SPATA25: variants seen among roughly 807,000 people sequenced by gnomAD.
SPATA25 encodes spermatogenesis associated 25, also known as spermatogenesis-associated protein 25.
Under a neutral mutation model 16.0 loss-of-function variants are expected in SPATA25, and 16 were observed. The observed-to-expected ratio is 1.00, with a 90% CI of 0.68 to 1.52. The LOEUF (loss-of-function observed/expected upper bound fraction) is 1.52, where lower values mean the gene tolerates loss of function less well. Ranked by LOEUF, SPATA25 falls within the 40% of genes most tolerant of loss-of-function variation. The pLI, the probability that SPATA25 is intolerant of heterozygous loss-of-function variation, is 0.00. For synonymous variants in SPATA25, 115 were observed against 118.5 expected (o/e 0.97, Z 0.19); for missense variants, 285 against 289.2 (o/e 0.99, Z 0.11).
At chr20:45,890,493 G>T, upstream of SPATA25, 1 of 1,598,426 alleles carries the variant, frequency 6.3e-7, no homozygotes, top group Middle Eastern at 1.7e-4. Flanking sequence ...TGGCTGTAGA[G>T]CCCTGGCCGG....
chr20:45,890,919 G>T (rs868766302), upstream of SPATA25: 1 of 1,538,724 alleles, frequency 6.5e-7, no homozygotes, highest in Non-Finnish European at 8.8e-7. Context: ...CGATGGAAGC[G>T]GGTGGGAGGG....
chr20:45,889,646 C>T (rs971019343), upstream of SPATA25, among the ~76,000 whole-genome samples: 3 of 151,632 alleles, frequency 2.0e-5, no homozygotes, highest in East Asian at 1.9e-4. Flanking sequence ...CAGAGTCTTG[C>T]TCTGTTGCCT....
upstream of SPATA25, chr20:45,890,248 A>G (rs749338872): frequency 8.7e-6 from 14 of 1,613,852 alleles, no homozygotes; most frequent in South Asian, 1.2e-4. Flanking sequence ...AGGGATACCT[A>G]CAGCCATACT....
At chr20:45,889,802 C>T (rs1732909266), upstream of SPATA25, among the ~76,000 whole-genome samples, 2 of 152,096 alleles carry the variant, frequency 1.3e-5, no homozygotes, top group Admixed American at 1.3e-4. Flanking sequence ...TTAGTAGAGA[C>T]AGGCTTTCAC....
chr20:45,888,699 C>G, upstream of SPATA25: 1 of 1,571,786 alleles, frequency 6.4e-7, no homozygotes, highest in Non-Finnish European at 8.7e-7. Flanking sequence ...AACTTCGGAC[C>G]AGCCAGCCAC....
Position 45,886,518 on chromosome 20 carries a change from T to TA in SPATA25, c.682dup (p.Ter228LeufsTer4), listed in dbSNP as rs1291291690. On this transcript the variant is annotated frameshift_variant and stop_lost, in exon 2 of 2. Coordinates refer to ENST00000372519, the MANE Select transcript of SPATA25 (RefSeq NM_080608.4). LOFTEE classifies it high-confidence loss of function. The stretch of plus-strand genomic sequence containing the variant: ...CATATCTGGTGCTATTTCATCCATC[T>TA]ACAAGCAGGAGCCAGGAGGCTGGCC... 1 of 1,564,706 alleles carries TA rather than the reference T, an allele frequency of 6.4e-7. No homozygotes were observed. The highest frequency in any genetic ancestry group is 8.7e-7 in the Non-Finnish European group (1 of 1,151,328).
upstream of SPATA25, chr20:45,887,773 C>T (rs1484493137): frequency 4.1e-6 from 2 of 486,912 alleles, no homozygotes; most frequent in Non-Finnish European, 7.1e-6. Flanking sequence ...GAGCACCAGA[C>T]CAGGAGCTGG....
chr20:45,886,840 T>C lies in SPATA25; in HGVS notation c.361A>G (p.Arg121Gly). The change falls in exon 2 of 2, where the codon AGG becomes GGG. Residue 121 changes from arginine to glycine, a missense_variant. Arg to Gly is a moderately radical substitution (Grantham distance 125). Transcript: ENST00000372519. ...CCACACAGCATCAGGGGCCTAGGCC[T>C]GCTGGGGCCACCCAGGTCAGGGGCT... ...SRAPDLGGPS[R>G]PRPLMLCGLS... 1 of 1,613,966 alleles carries C rather than the reference T, an allele frequency of 6.2e-7. No individual in the cohort carries two copies. The highest frequency in any genetic ancestry group is 1.1e-5 in the South Asian group (1 of 91,092).
At chr20:45,887,717 C>T (rs1986539503), upstream of SPATA25, 3 of 770,018 alleles carry the variant, frequency 3.9e-6, no homozygotes, top group African/African-American at 1.8e-5. Context: ...ACAGCGTTGA[C>T]CTATTCATTC....
chr20:45,887,441 A>G (rs1445676884), intron 1 of SPATA25, 95 bp downstream of exon 1: 2 of 1,245,552 alleles, frequency 1.6e-6, no homozygotes, highest in Non-Finnish European at 2.2e-6. Flanking sequence ...CCAGCCCCCA[A>G]ATGCCCAGCA....
chr20:45,890,139 A>G (rs1207045784), upstream of SPATA25: 1 of 1,186,038 alleles, frequency 8.4e-7, no homozygotes, highest in Non-Finnish European at 1.2e-6. Flanking sequence ...AGATTCTCCC[A>G]CTCTTAAACT....
At chr20:45,888,820 G>A (rs377646244), upstream of SPATA25, 10 of 1,613,910 alleles carry the variant, frequency 6.2e-6, no homozygotes, top group East Asian at 4.5e-5. Context: ...ATGGCCAGCC[G>A]GTGCACCATG....
chr20:45,887,234 G>A (rs1334525201), intron 1 of SPATA25, 89 bp from the exon 2 acceptor site: 36 of 1,462,654 alleles, frequency 2.5e-5, no homozygotes, highest in Non-Finnish European at 3.1e-5. Context: ...GAGCTTGGGG[G>A]CGTAACTAAG....
chr20:45,888,850 G>A (rs773767068), upstream of SPATA25: 23 of 1,613,918 alleles, frequency 1.4e-5, no homozygotes, highest in East Asian at 8.9e-5. Flanking sequence ...ATCACTAGGC[G>A]GCACAGAGTC....
At chr20:45,887,331 A>C (rs564002501) in intron 1 of SPATA25, among the ~76,000 whole-genome samples, 186 bp from the exon 2 acceptor site, 1 of 152,308 alleles carries the variant, frequency 6.6e-6, no homozygotes, top group South Asian at 2.1e-4. Context: ...TAGGTGATGG[A>C]GAAGCGTTTG....
Position 45,887,527 on chromosome 20 carries a change from C to T in SPATA25, c.55+9G>A, listed in dbSNP as rs549473428. The T allele has an allele frequency of 5.0e-6, 8 of 1,612,862 alleles. No homozygotes were observed. In the East Asian group the frequency reaches 8.9e-5, roughly 18 times the overall value. On this transcript the variant is annotated intron_variant, in intron 1 of 1. Transcript: ENST00000372519. ...GCACTCCCTCCAATTGCAGGTGCCC[C>T]CCGCTCACCTTGGCCGGAAGGCAGA...
At chr20:45,887,672 C>A, upstream of SPATA25, 1 of 1,328,006 alleles carries the variant, frequency 7.5e-7, no homozygotes, top group South Asian at 1.3e-5. Context: ...AATGTCACCT[C>A]ATAGACCCTC....
chr20:45,888,866 G>A (rs751868636), upstream of SPATA25: 9 of 1,614,110 alleles, frequency 5.6e-6, no homozygotes, highest in East Asian at 2.2e-5. Context: ...GAGTCTGCAG[G>A]GATGGCACTG....
At chr20:45,887,805 A>G (rs7268221), upstream of SPATA25, among the ~76,000 whole-genome samples, 69,113 of 152,052 alleles carry the variant, frequency 0.45, 17,787 homozygotes, top group Admixed American at 0.57. Context: ...TCTTGCCCTA[A>G]CCTTGAACGA....
Sources: allele counts gnomAD v4.1 joint callset (sites outside exome capture counted in the v4.1 genomes callset), GRCh38; gene constraint gnomAD v4.1.1; transcripts MANE v1.5; gene names NCBI Gene and HGNC (gene_info 2026-07-23, HGNC 2026-07-21).